HERC3: variants seen among roughly 807,000 people sequenced by gnomAD.
HERC3 encodes the protein HECT and RLD domain containing E3 ubiquitin protein ligase 3, also known as probable E3 ubiquitin-protein ligase HERC3.
In HERC3, 58 loss-of-function variants were observed where a neutral mutation model predicts 129.9. The observed-to-expected ratio is 0.45, with a 90% CI of 0.36 to 0.56. HERC3 has a LOEUF of 0.56. Ranked by LOEUF, HERC3 falls within the 20% of genes least tolerant of loss-of-function variation. The pLI, the probability that HERC3 is intolerant of heterozygous loss-of-function variation, is 0.00. For missense variants in HERC3, 835 were observed against 1,244.2 expected (o/e 0.67, Z 4.95); for synonymous variants, 430 against 451.0 (o/e 0.95, Z 0.59).
At chr4:88,580,905 G>C in the HERC3 span, among the ~76,000 whole-genome samples, 8 of 152,278 alleles carry the variant, frequency 5.3e-5, no homozygotes, top group South Asian at 1.5e-3. Flanking sequence ...TAAACGCAGA[G>C]AATCCATGAA....
chr4:88,574,277 A>G, the HERC3 span, among the ~76,000 whole-genome samples: 3 of 152,246 alleles, frequency 2.0e-5, no homozygotes, highest in African/African-American at 7.2e-5. Flanking sequence ...CTTTATGCAC[A>G]TTCCATCTTT....
At chr4:88,570,703 T>C in the HERC3 span, among the ~76,000 whole-genome samples, 1 of 152,222 alleles carries the variant, frequency 6.6e-6, no homozygotes, top group Non-Finnish European at 1.5e-5. Context: ...CATCATCTTA[T>C]TTAATTCTCA....
chr4:88,690,172 A>C (rs1221809368), intron 23 of HERC3: 1 of 985,076 alleles, frequency 1.0e-6, no homozygotes, highest in Non-Finnish European at 1.2e-6. Context: ...CTTGGGGCTA[A>C]AAGCAGTTTC....
chr4:88,547,040 C>G, the HERC3 span, among the ~76,000 whole-genome samples: 2 of 152,092 alleles, frequency 1.3e-5, no homozygotes, highest in Non-Finnish European at 1.5e-5. Flanking sequence ...CTTCCTTAAC[C>G]TTTTTTTCTT....
chr4:88,689,905 G>A (rs1733895944), intron 23 of HERC3: 3 of 727,866 alleles, frequency 4.1e-6, no homozygotes, highest in South Asian at 1.2e-4. Flanking sequence ...CAAACGACTC[G>A]AAGCTAGTAT....
At chr4:88,586,159 G>T in the HERC3 span, among the ~76,000 whole-genome samples, 1 of 152,172 alleles carries the variant, frequency 6.6e-6, no homozygotes, top group African/African-American at 2.4e-5. Flanking sequence ...TAGCAGTAAA[G>T]AATTGAAAGC....
intron 9 of HERC3, chr4:88,657,579 T>C (rs1730048236): frequency 6.6e-6 from 1 of 152,262 alleles, no homozygotes; most frequent in Non-Finnish European, 1.5e-5. Flanking sequence ...AGTTGAATTA[T>C]AACCTGACTT....
intron 22 of HERC3, 90 bp from the exon 23 acceptor site, chr4:88,687,110 AGTCATGAAACTACATTT>A: frequency 1.3e-6 from 1 of 782,194 alleles, no homozygotes. Flanking sequence ...TTTCTGTAAT[AGTCATGAAACTACATTT>A]GTTCCTAAAG....
chr4:88,585,896 C>T, the HERC3 span, among the ~76,000 whole-genome samples: 7 of 152,158 alleles, frequency 4.6e-5, no homozygotes, highest in South Asian at 6.2e-4. Context: ...AAATGACTTA[C>T]AAAATTAATA....
intron 1 of HERC3, chr4:88,593,171 A>G (rs1721928019): frequency 6.6e-6 from 1 of 151,780 alleles, no homozygotes; most frequent in African/African-American, 2.4e-5. Context: ...GGCACCACCC[A>G]CTTCGCGGAG....
intron 3 of HERC3, among the ~76,000 whole-genome samples, chr4:88,626,331 A>G (rs1726095366): frequency 6.6e-6 from 1 of 152,020 alleles, no homozygotes; most frequent in Non-Finnish European, 1.5e-5. Flanking sequence ...ACAGGTGTGC[A>G]CCACTGTGCC....
chr4:88,626,292 C>T (rs1411079193), intron 3 of HERC3, among the ~76,000 whole-genome samples: 2 of 151,966 alleles, frequency 1.3e-5, no homozygotes, highest in South Asian at 2.1e-4. Flanking sequence ...AGTGATCCTC[C>T]CACCTCAACC....
intron 3 of HERC3, among the ~76,000 whole-genome samples, chr4:88,608,896 T>TG (rs1289294084): frequency 1.3e-5 from 2 of 152,176 alleles, no homozygotes; most frequent in Non-Finnish European, 2.9e-5. Flanking sequence ...TTTTGGGAAC[T>TG]GGGAAGAGAT....
chr4:88,599,485 A>T (rs1469413421), intron 2 of HERC3, among the ~76,000 whole-genome samples: 1 of 151,968 alleles, frequency 6.6e-6, no homozygotes, highest in African/African-American at 2.4e-5. Context: ...ATCTTTTTTC[A>T]TAAATTGTTT....
rs566268437 is a variant in HERC3 at position 88,617,773 on chromosome 4, A to C, written c.226+11724A>C. Among the ~76,000 whole-genome samples the C allele has an allele frequency of 3.3e-3, 499 of 152,256 alleles. 2 individuals are homozygous for C. Among genetic ancestry groups the C allele is most frequent in the Admixed American group, 5.6e-3 (85 of 15,298 alleles). On this transcript the variant is annotated intron_variant, in intron 3 of 25. Transcript: ENST00000402738. ...GTATTCCCAGCTACTCGGGAGGCTG[A>C]GGCAGGAGAATGACGTGAACCTGGG...
At chr4:88,704,863 C>CTTTTTTTTTTTTTTTTTTTTTTTTTT (rs1165694315) in intron 25 of HERC3, among the ~76,000 whole-genome samples, 3 of 130,670 alleles carry the variant, frequency 2.3e-5, no homozygotes, top group African/African-American at 9.0e-5. Flanking sequence ...TTCTTTCTTT[C>CTTTTTTTTTTTTTTTTTTTTTTTTTT]TTTTTTTTTT....
the HERC3 span, among the ~76,000 whole-genome samples, chr4:88,583,072 T>G: frequency 6.6e-6 from 1 of 152,176 alleles, no homozygotes; most frequent in Non-Finnish European, 1.5e-5. Flanking sequence ...AGAGGGAAAG[T>G]TTAAAATTCC....
intron 3 of HERC3, among the ~76,000 whole-genome samples, chr4:88,616,059 T>A (rs1263510270): frequency 6.6e-6 from 1 of 152,230 alleles, no homozygotes; most frequent in Non-Finnish European, 1.5e-5. Context: ...TACTACAGGA[T>A]CTGATGAATG....
intron 3 of HERC3, among the ~76,000 whole-genome samples, chr4:88,623,467 A>G (rs1274189234): frequency 6.6e-6 from 1 of 152,210 alleles, no homozygotes; most frequent in Non-Finnish European, 1.5e-5. Flanking sequence ...ACTTTGGATG[A>G]ATGAATGAAT....
Sources: allele counts gnomAD v4.1 joint callset (sites outside exome capture counted in the v4.1 genomes callset), GRCh38; gene constraint gnomAD v4.1.1; transcripts MANE v1.5; gene names NCBI Gene and HGNC (gene_info 2026-07-23, HGNC 2026-07-21).